Variants in PHACTR1 observed in about 807,000 individuals in gnomAD.
PHACTR1 encodes the protein phosphatase and actin regulator 1.
A neutral mutation model predicts 69.2 loss-of-function variants in PHACTR1; 16 were observed. The observed-to-expected ratio is 0.23, with a 90% CI of 0.16 to 0.35. The LOEUF is 0.35. Ranked by LOEUF, PHACTR1 falls within the 10% of genes least tolerant of loss-of-function variation. The pLI, the probability that PHACTR1 is intolerant of heterozygous loss-of-function variation, is 1.00. For missense variants in PHACTR1, 510 were observed against 734.7 expected (o/e 0.69, Z 3.54); for synonymous variants, 312 against 284.5 (o/e 1.10, Z -0.97).
chr6:13,201,080 C>A (rs948328830), intron 7 of PHACTR1, among the ~76,000 whole-genome samples: 3 of 152,146 alleles, frequency 2.0e-5, no homozygotes, highest in Non-Finnish European at 2.9e-5. Flanking sequence ...GACCACAGGG[C>A]AGTGAGCACG....
chr6:12,784,035 C>T (rs1179335298), intron 4 of PHACTR1, among the ~76,000 whole-genome samples: 6 of 151,308 alleles, frequency 4.0e-5, no homozygotes, highest in Admixed American at 3.9e-4. Context: ...CATATGCACA[C>T]ACATATCTAT....
intron 4 of PHACTR1, among the ~76,000 whole-genome samples, chr6:12,884,190 T>C (rs1186237183): frequency 6.6e-6 from 1 of 152,082 alleles, no homozygotes; most frequent in Admixed American, 6.5e-5. Context: ...CAGCGTATCA[T>C]AAGCACTTAA....
chr6:13,126,708 T>C (rs1318870181), intron 5 of PHACTR1, among the ~76,000 whole-genome samples: 1 of 152,266 alleles, frequency 6.6e-6, no homozygotes, highest in Non-Finnish European at 1.5e-5. Flanking sequence ...TAAATATTTT[T>C]CTGCTCTACA....
At chr6:13,221,987 A>G (rs1458754557) in intron 8 of PHACTR1, among the ~76,000 whole-genome samples, 1 of 151,986 alleles carries the variant, frequency 6.6e-6, no homozygotes, top group Non-Finnish European at 1.5e-5. Context: ...GTGAGCCGAG[A>G]TCACGCCACT....
At chr6:13,073,982 C>T (rs1278044916) in intron 5 of PHACTR1, among the ~76,000 whole-genome samples, 1 of 151,748 alleles carries the variant, frequency 6.6e-6, no homozygotes, top group Non-Finnish European at 1.5e-5. Flanking sequence ...AAGTGATTCT[C>T]CTGCCTCAGC....
At chr6:12,840,912 T>G (rs1183785460) in intron 4 of PHACTR1, among the ~76,000 whole-genome samples, 2 of 152,206 alleles carry the variant, frequency 1.3e-5, no homozygotes, top group African/African-American at 4.8e-5. Flanking sequence ...TGCTACAGAC[T>G]CAGCAATTGA....
At chr6:13,221,879 TATA>T (rs1768708187) in intron 8 of PHACTR1, among the ~76,000 whole-genome samples, 1 of 152,054 alleles carries the variant, frequency 6.6e-6, no homozygotes. Context: ...CTACTAAAAA[TATA>T]ATAATTAGCC....
chr6:12,919,642 T>C (rs527288965), intron 4 of PHACTR1, among the ~76,000 whole-genome samples: 28 of 152,350 alleles, frequency 1.8e-4, no homozygotes, highest in African/African-American at 6.7e-4. Context: ...ACTGTGATGC[T>C]TCCCATGACT....
At chr6:12,878,459 G>A (rs980873042) in intron 4 of PHACTR1, among the ~76,000 whole-genome samples, 4 of 152,182 alleles carry the variant, frequency 2.6e-5, no homozygotes, top group African/African-American at 9.6e-5. Flanking sequence ...TATTTCTTAG[G>A]TCACAGAACC....
chr6:12,919,268 G>C (rs909884764), intron 4 of PHACTR1, among the ~76,000 whole-genome samples: 1 of 151,966 alleles, frequency 6.6e-6, no homozygotes, highest in Non-Finnish European at 1.5e-5. Flanking sequence ...TCAGCCTCCC[G>C]AGTAGCTGGG....
intron 10 of PHACTR1, among the ~76,000 whole-genome samples, chr6:13,254,880 GA>G (rs1774964681): frequency 6.6e-6 from 1 of 152,152 alleles, no homozygotes; most frequent in South Asian, 2.1e-4. Flanking sequence ...TTATAGATAG[GA>G]AATTCTTATA....
At chr6:13,184,382 A>C (rs1762567353) in intron 7 of PHACTR1, among the ~76,000 whole-genome samples, 1 of 152,170 alleles carries the variant, frequency 6.6e-6, no homozygotes, top group South Asian at 2.1e-4. Context: ...GGCTGCTGGC[A>C]TTCAGTTCTG....
At chr6:13,148,036 C>G (rs562534478) in intron 5 of PHACTR1, among the ~76,000 whole-genome samples, 1 of 151,962 alleles carries the variant, frequency 6.6e-6, no homozygotes, top group South Asian at 2.1e-4. Context: ...AGTTCTAAAG[C>G]TTAGAGATAC....
intron 4 of PHACTR1, among the ~76,000 whole-genome samples, chr6:12,864,606 G>C (rs1291873211): frequency 6.6e-6 from 1 of 151,814 alleles, no homozygotes; most frequent in African/African-American, 2.4e-5. Flanking sequence ...CGTGAACCCA[G>C]GAGGCGAAGC....
At chr6:12,753,038 T>C (rs1031152776) in intron 4 of PHACTR1, among the ~76,000 whole-genome samples, 1 of 152,192 alleles carries the variant, frequency 6.6e-6, no homozygotes, top group Non-Finnish European at 1.5e-5. Flanking sequence ...AATATATCTG[T>C]CGAAGGTTAC....
At chr6:12,825,642 C>T (rs2026458) in intron 4 of PHACTR1, among the ~76,000 whole-genome samples, 52,567 of 152,064 alleles carry the variant, frequency 0.35, 11,179 homozygotes, top group South Asian at 0.48. Context: ...ATCTCAAAGG[C>T]CTGTTTCCTG....
At chr6:12,784,496 A>C (rs1771264187) in intron 4 of PHACTR1, among the ~76,000 whole-genome samples, 1 of 151,426 alleles carries the variant, frequency 6.6e-6, no homozygotes, top group South Asian at 2.1e-4. Flanking sequence ...ATATACACAC[A>C]TATATACATA....
At chr6:13,134,421 G>A (rs2127977776) in intron 5 of PHACTR1, among the ~76,000 whole-genome samples, 1 of 152,296 alleles carries the variant, frequency 6.6e-6, no homozygotes, top group East Asian at 1.9e-4. Flanking sequence ...AAGTAGACAT[G>A]GGAGACTCCA....
chr6:12,823,722 T>A (rs1442257622), intron 4 of PHACTR1, among the ~76,000 whole-genome samples: 1 of 152,208 alleles, frequency 6.6e-6, no homozygotes, highest in Non-Finnish European at 1.5e-5. Flanking sequence ...TTCGATTTTG[T>A]CGGTTGGTCT....
Sources: allele counts gnomAD v4.1 joint callset (sites outside exome capture counted in the v4.1 genomes callset), GRCh38; gene constraint gnomAD v4.1.1; transcripts MANE v1.5; gene names NCBI Gene and HGNC (gene_info 2026-07-23, HGNC 2026-07-21).